The following CSMD2 variants were observed in gnomAD, a reference collection of about 807,000 sequenced individuals.
The protein encoded by CSMD2 is CUB and Sushi multiple domains 2.
Under a neutral mutation model 398.5 loss-of-function variants are expected in CSMD2, and 130 were observed. The observed-to-expected ratio is 0.33, with a 90% CI of 0.28 to 0.38. The LOEUF is 0.38. Among genes scored for constraint, CSMD2 ranks in the 10% least tolerant of loss-of-function variants. The pLI, the probability that CSMD2 is intolerant of heterozygous loss-of-function variation, is 1.00. For missense variants in CSMD2, 3,829 were observed against 4,764.9 expected (o/e 0.80, Z 5.78); for synonymous variants, 1,828 against 1,908.5 (o/e 0.96, Z 1.10).
At chr1:33,994,496 T>C (rs945321317) in intron 3 of CSMD2, among the ~76,000 whole-genome samples, 7 of 152,178 alleles carry the variant, frequency 4.6e-5, no homozygotes, top group African/African-American at 1.7e-4. Flanking sequence ...CCTTGATTAA[T>C]GTCTGTCTCC....
intron 36 of CSMD2, 49 bp from the exon 37 acceptor site, chr1:33,622,320 C>T: frequency 1.5e-6 from 2 of 1,319,236 alleles, no homozygotes; most frequent in Non-Finnish European, 2.2e-6. Context: ...CTCCTCCAGG[C>T]CCTTGCATTC....
chr1:33,950,019 G>A (rs1049693307), intron 3 of CSMD2, among the ~76,000 whole-genome samples: 1 of 152,104 alleles, frequency 6.6e-6, no homozygotes, highest in Non-Finnish European at 1.5e-5. Context: ...CATCCAAGCT[G>A]AGACCTCATC....
Position 34,035,058 on chromosome 1 carries a change from TAAC to T in CSMD2, c.405-2355_405-2353del, listed in dbSNP as rs745806814. ...GGCTAAGGAAAACAGATCCTGCACTTAACAACATGATAATAAGGAAATACTACA... is the reference window on the plus strand; with the variant it reads ...GGCTAAGGAAAACAGATCCTGCACTTAACATGATAATAAGGAAATACTACA... On this transcript the variant is annotated intron_variant, in intron 2 of 70. Transcript: ENST00000373381. Among the ~76,000 whole-genome samples the T allele has an allele frequency of 9.4e-4, 143 of 152,254 alleles. No individual in the cohort carries two copies. In the Middle Eastern group the frequency reaches 0.01, roughly 11 times the overall value.
At chr1:33,873,035 T>C (rs1467812844) in intron 5 of CSMD2, among the ~76,000 whole-genome samples, 1 of 152,006 alleles carries the variant, frequency 6.6e-6, no homozygotes, top group African/African-American at 2.4e-5. Context: ...AACCTGCCAT[T>C]GTATGTTGGG....
chr1:33,603,873 C>T (rs1471900675), intron 42 of CSMD2, among the ~76,000 whole-genome samples: 3 of 152,230 alleles, frequency 2.0e-5, no homozygotes, highest in Non-Finnish European at 4.4e-5. Context: ...AAAGGAACAA[C>T]ATATGCTAAG....
Position 33,537,394 on chromosome 1 carries a change from C to A in CSMD2, c.9805+42G>T. 6.4e-7 allele frequency: 1 copy of A among 1,572,564 alleles called. No homozygotes were observed. ...CTCAGGCCCAAAAGAAGGTCTCCCG[C>A]AACCCCAGCCAAGACGCTCCCTGCT... On this transcript the variant is annotated intron_variant, in intron 61 of 70. Transcript: ENST00000373381. The surrounding 1 kb of genome is among the most constrained non-coding windows in gnomAD (Gnocchi z 4.6).
chr1:33,740,286 AAGCCAGGCTCTATTTTCACCCCG>A (rs1647015656), intron 14 of CSMD2, among the ~76,000 whole-genome samples: 1 of 71,618 alleles, frequency 1.4e-5, no homozygotes, highest in Admixed American at 1.4e-4. Flanking sequence ...AATGTCTCCG[AAGCCAGGCTCTATTTTCACCCCG>A]AAGCCAGGCT....
chr1:33,871,585 T>G (rs1640467571), intron 5 of CSMD2, among the ~76,000 whole-genome samples: 1 of 152,204 alleles, frequency 6.6e-6, no homozygotes. Flanking sequence ...CAGAGAGGAC[T>G]GAGCATGTTG....
intron 12 of CSMD2, among the ~76,000 whole-genome samples, chr1:33,781,748 C>G (rs1433144595): frequency 6.6e-6 from 1 of 152,184 alleles, no homozygotes; most frequent in Non-Finnish European, 1.5e-5. Context: ...CTGGTAAGTG[C>G]TAATTGCCTG....
chr1:33,600,162 G>A (rs1250391294), intron 44 of CSMD2: 3 of 716,332 alleles, frequency 4.2e-6, no homozygotes, highest in African/African-American at 1.7e-5. Flanking sequence ...ACCTGTGCAA[G>A]GTTTTACACA....
chr1:33,584,422 A>T (rs747052789), intron 46 of CSMD2, among the ~76,000 whole-genome samples: 6 of 152,160 alleles, frequency 3.9e-5, no homozygotes, highest in Non-Finnish European at 8.8e-5. Flanking sequence ...CTGTAATCCC[A>T]GCGCTGTGGG....
intron 1 of CSMD2, among the ~76,000 whole-genome samples, chr1:34,100,906 G>C (rs906513458): frequency 6.6e-6 from 1 of 152,144 alleles, no homozygotes; most frequent in Non-Finnish European, 1.5e-5. Flanking sequence ...AGGTGGGGTC[G>C]GGTAAGGTAC....
In CSMD2 at chr1:33,658,116, T is replaced by C. The variant is rs758606223; in HGVS notation, c.4277A>G (p.Asn1426Ser). The C allele has an allele frequency of 1.4e-5, 23 of 1,613,860 alleles. No individual in the cohort carries two copies. The South Asian group carries it at 1.5e-4, about 11-fold the overall frequency. Reference protein sequence around the residue: ...QFSVSTATSCNDPGIPQNGSR... With the variant: ...QFSVSTATSCSDPGIPQNGSR... ...CCCATTCTGCGGGATCCCAGGGTCA[T>C]TGCAGGACGTTGCTGTGGACACTGG... Residue 1426 changes from asparagine to serine, a missense_variant, in exon 27 of 71, where the codon AAT becomes AGT. Asn to Ser is a conservative substitution (Grantham distance 46, BLOSUM62 1). Around this residue, in one of 5 missense-constraint regions of CSMD2, gnomAD observed 2,001 missense variants for 2,567.1 expected, o/e 0.78. Transcript: ENST00000373381.
At chr1:33,589,510 A>G (rs956914117) in intron 44 of CSMD2, among the ~76,000 whole-genome samples, 5 of 152,244 alleles carry the variant, frequency 3.3e-5, no homozygotes, top group Non-Finnish European at 4.4e-5. Flanking sequence ...GGCATTTGAT[A>G]ACTAATTAGG....
At chr1:33,909,478 TCA>T (rs1405682839) in intron 5 of CSMD2, among the ~76,000 whole-genome samples, 1 of 152,106 alleles carries the variant, frequency 6.6e-6, no homozygotes, top group Non-Finnish European at 1.5e-5. Flanking sequence ...TTTACTAACT[TCA>T]GTCTCCCCCA....
At chr1:33,957,923 C>A (rs1047094781) in intron 3 of CSMD2, among the ~76,000 whole-genome samples, 2 of 118,950 alleles carry the variant, frequency 1.7e-5, no homozygotes, top group African/African-American at 7.0e-5. Context: ...CCCATTAACT[C>A]AGTCACTGTG....
intron 3 of CSMD2, among the ~76,000 whole-genome samples, chr1:33,955,979 C>T (rs998442162): frequency 1.3e-5 from 2 of 152,018 alleles, no homozygotes; most frequent in African/African-American, 2.4e-5. Flanking sequence ...AGGGAGCTCA[C>T]ATCAAGGCTG....
chr1:33,935,852 A>G lies in CSMD2; in HGVS notation c.620T>C (p.Leu207Pro), dbSNP rs16836099. The G allele has an allele frequency of 0.019, 30,989 of 1,614,114 alleles. 4,625 individuals carry two copies. In the African/African-American group the frequency reaches 0.34, roughly 18 times the overall value. Residue 207 changes from leucine (L) to proline (P), a missense_variant, in exon 4 of 71, where the codon CTT (leucine) becomes CCT (proline). This residue lies in a region of CSMD2 where 2,001 missense variants were observed against 2,567.1 expected (regional missense o/e 0.78). Coordinates refer to ENST00000373381, the MANE Select transcript of CSMD2 (RefSeq NM_001281956.2). ...GGCGTGGCCCTCCAGGAAGAAGCCA[A>G]GGTTGCAGCTGTAGCGGACCTTGTC... is the stretch of plus-strand genomic sequence containing the variant. Reference protein sequence around the residue: ...LGDKVRYSCNLGFFLEGHAVL... With the variant: ...LGDKVRYSCNPGFFLEGHAVL...
At chr1:34,090,291 C>T (rs922073277) in intron 1 of CSMD2, among the ~76,000 whole-genome samples, 1 of 152,180 alleles carries the variant, frequency 6.6e-6, no homozygotes, top group African/African-American at 2.4e-5. Context: ...TGTGGGACCA[C>T]ACTTTGAGCA....
Sources: allele counts gnomAD v4.1 joint callset (sites outside exome capture counted in the v4.1 genomes callset), GRCh38; gene constraint gnomAD v4.1.1; regional missense constraint gnomAD v4.1.1; non-coding constraint Gnocchi (gnomAD v3.1); transcripts MANE v1.5; gene names NCBI Gene and HGNC (gene_info 2026-07-23, HGNC 2026-07-21).